The following VRK2 variants were observed in gnomAD, a reference collection of about 807,000 sequenced individuals.
VRK2 encodes VRK serine/threonine kinase 2.
A neutral mutation model predicts 57.6 loss-of-function variants in VRK2; 60 were observed. The ratio of observed to expected loss-of-function variants is 1.04; its 90% CI spans 0.85 to 1.29. VRK2 has a LOEUF of 1.29. Among genes scored for constraint, VRK2 ranks in the 50% most tolerant of loss-of-function variants. The pLI is 0.00. For synonymous variants in VRK2, 231 were observed against 199.2 expected (o/e 1.16, Z -1.35); for missense variants, 705 against 588.1 (o/e 1.20, Z -2.06).
chr2:58,119,886 G>A (rs1050756500), intron 7 of VRK2, among the ~76,000 whole-genome samples: 1 of 151,806 alleles, frequency 6.6e-6, no homozygotes, highest in Non-Finnish European at 1.5e-5. Context: ...GGGATGGATG[G>A]TTGTTCATTT....
chr2:58,096,909 A>ATT, intron 7 of VRK2, among the ~76,000 whole-genome samples: 1 of 151,826 alleles, frequency 6.6e-6, no homozygotes, highest in East Asian at 1.9e-4. Flanking sequence ...GAAAGTTTGT[A>ATT]TTTTTCTTTC....
Position 58,019,017 on chromosome 2 carries a change from C to T in VRK2, c.-438-6648C>T, listed in dbSNP as rs115739794. Among the ~76,000 whole-genome samples the T allele has an allele frequency of 5.2e-3, 785 of 152,238 alleles. 9 individuals carry two copies. Among genetic ancestry groups the T allele is most frequent in the African/African-American group, 0.018 (744 of 41,534 alleles). On this transcript the variant is annotated intron_variant, in intron 1 of 15. Coordinates refer to the VRK2 transcript ENST00000417641. Reference sequence around the variant, plus strand: ...GAATATGCTTATCAATATTACAGAACTTTTTATACAATATTTTAGATGCAT... The same window carrying T: ...GAATATGCTTATCAATATTACAGAATTTTTTATACAATATTTTAGATGCAT...
intron 8 of VRK2, among the ~76,000 whole-genome samples, chr2:58,125,678 A>G (rs1678231414): frequency 6.6e-6 from 1 of 152,122 alleles, no homozygotes; most frequent in South Asian, 2.1e-4. Flanking sequence ...TTACACTAAA[A>G]TTCTAGGCAT....
chr2:58,122,990 A>C, intron 7 of VRK2, 111 bp from the exon 8 acceptor site: 1 of 1,367,956 alleles, frequency 7.3e-7, no homozygotes, highest in Non-Finnish European at 9.6e-7. Context: ...TGGTTTAATA[A>C]AATGTAGATC....
At chr2:58,154,699 C>G (rs552131588) in intron 12 of VRK2, 39 of 711,022 alleles carry the variant, frequency 5.5e-5, no homozygotes, top group Middle Eastern at 4.6e-4. Flanking sequence ...GGAGATTTTC[C>G]TATTATTTCT....
intron 1 of VRK2, among the ~76,000 whole-genome samples, chr2:57,920,758 G>A (rs1670315055): frequency 6.6e-6 from 1 of 151,970 alleles, no homozygotes; most frequent in Admixed American, 6.6e-5. Flanking sequence ...TACCTATTTG[G>A]TTGCAGAGAT....
chr2:58,156,959 T>G (rs1683975703), intron 12 of VRK2, among the ~76,000 whole-genome samples: 3 of 152,296 alleles, frequency 2.0e-5, no homozygotes, highest in Middle Eastern at 6.8e-3. Flanking sequence ...CAGATTTTAT[T>G]GCATTCCTTT....
At chr2:58,021,270 G>T (rs116663226) in intron 1 of VRK2, among the ~76,000 whole-genome samples, 44 of 151,920 alleles carry the variant, frequency 2.9e-4, no homozygotes, top group African/African-American at 1.0e-3. Flanking sequence ...TCCTTTCCAA[G>T]CTCACAGATT....
intron 1 of VRK2, among the ~76,000 whole-genome samples, chr2:57,972,069 T>C (rs987934722): frequency 2.6e-5 from 4 of 151,890 alleles, no homozygotes; most frequent in Non-Finnish European, 4.4e-5. Flanking sequence ...CCTTGCTTTA[T>C]GGCTTGACAC....
chr2:58,116,138 T>C (rs1461475009), intron 7 of VRK2, among the ~76,000 whole-genome samples: 2 of 152,192 alleles, frequency 1.3e-5, no homozygotes, highest in Non-Finnish European at 2.9e-5. Flanking sequence ...GCTTTAATCC[T>C]TTTAAAGCAT....
intron 2 of VRK2, among the ~76,000 whole-genome samples, chr2:58,072,512 G>A (rs2103999282): frequency 6.6e-6 from 1 of 151,966 alleles, no homozygotes; most frequent in South Asian, 2.1e-4. Context: ...GTTTTTTAAT[G>A]TGATCATATG....
intron 7 of VRK2, among the ~76,000 whole-genome samples, chr2:58,110,493 A>G (rs1348186742): frequency 6.6e-6 from 1 of 152,226 alleles, no homozygotes; most frequent in Non-Finnish European, 1.5e-5. Context: ...GTTAAAAAAT[A>G]TATGTAGCCT....
At chr2:58,082,060 A>G (rs1287057408) in intron 2 of VRK2, among the ~76,000 whole-genome samples, 1 of 151,802 alleles carries the variant, frequency 6.6e-6, no homozygotes, top group African/African-American at 2.4e-5. Context: ...TTTCTAGTCT[A>G]TTGATTTTAG....
chr2:58,003,153 T>C (rs543054296), intron 1 of VRK2, among the ~76,000 whole-genome samples: 4 of 152,146 alleles, frequency 2.6e-5, no homozygotes, highest in Non-Finnish European at 4.4e-5. Context: ...AATCAAAGCC[T>C]TAAGTAAATG....
At chr2:58,009,320 A>T (rs1237114329) in intron 1 of VRK2, among the ~76,000 whole-genome samples, 1 of 151,944 alleles carries the variant, frequency 6.6e-6, no homozygotes, top group Non-Finnish European at 1.5e-5. Flanking sequence ...AGTAAAAAAA[A>T]TAAACTAGTG....
At chr2:58,113,053 G>A (rs1202732393) in intron 7 of VRK2, among the ~76,000 whole-genome samples, 1 of 152,168 alleles carries the variant, frequency 6.6e-6, no homozygotes, top group African/African-American at 2.4e-5. Flanking sequence ...GCTCACGCCT[G>A]TAATCCCAGC....
At chr2:57,984,806 A>G (rs1184647587) in intron 1 of VRK2, among the ~76,000 whole-genome samples, 2 of 152,096 alleles carry the variant, frequency 1.3e-5, no homozygotes, top group African/African-American at 4.8e-5. Context: ...TTTACCCCCC[A>G]AAAGAAAAAC....
chr2:58,140,045 C>A (rs1438309337), intron 11 of VRK2, among the ~76,000 whole-genome samples: 1 of 151,984 alleles, frequency 6.6e-6, no homozygotes, highest in African/African-American at 2.4e-5. Flanking sequence ...CTACTATGTA[C>A]TATGAAAGAA....
At chr2:57,964,805 G>C (rs909054666) in intron 1 of VRK2, among the ~76,000 whole-genome samples, 2 of 141,034 alleles carry the variant, frequency 1.4e-5, no homozygotes, top group African/African-American at 2.6e-5. Flanking sequence ...AGGATCACCT[G>C]AGAGGTGAAG....
Sources: allele counts gnomAD v4.1 joint callset (sites outside exome capture counted in the v4.1 genomes callset), GRCh38; gene constraint gnomAD v4.1.1; transcripts MANE v1.5; gene names NCBI Gene and HGNC (gene_info 2026-07-23, HGNC 2026-07-21).